Variants in APLNR observed in about 807,000 individuals in gnomAD.
APLNR encodes APJ (apelin) receptor.
In APLNR, 13 loss-of-function variants were observed where a neutral mutation model predicts 23.4. That is an observed-to-expected ratio of 0.56 (90% CI 0.36 to 0.88). The LOEUF is 0.88. APLNR is among the 40% of genes least tolerant of loss of function. The probability of loss-of-function intolerance (pLI) is 0.01; values close to 1 mark genes in which losing one functional copy is unlikely to be tolerated. For synonymous variants in APLNR, 234 were observed against 211.9 expected (o/e 1.10, Z -0.91); for missense variants, 480 against 517.1 (o/e 0.93, Z 0.70).
Position 57,236,893 on chromosome 11 carries a change from C to G in APLNR, c.112G>C (p.Val38Leu). The G allele has an allele frequency of 3.1e-6, 5 of 1,614,152 alleles. No individual in the cohort carries two copies. Among genetic ancestry groups the G allele is most frequent in the Non-Finnish European group, 3.4e-6 (4 of 1,180,022 alleles). Reference protein sequence around the residue: ...GALIPAIYMLVFLLGTTGNGL... With the variant: ...GALIPAIYMLLFLLGTTGNGL... ...TTGCCCGTGGTGCCCAGGAGGAAGA[C>G]CAACATGTAGATGGCAGGGATGAGG... is the stretch of plus-strand genomic sequence containing the variant. The change falls in exon 1 of 1, where the codon GTC becomes CTC. Residue 38 changes from valine (V) to leucine (L), a missense_variant. Physicochemically the swap from Val to Leu is conservative, Grantham distance 32. Coordinates refer to ENST00000606794, the MANE Select transcript of APLNR (RefSeq NM_005161.6).
Position 57,236,412 on chromosome 11 carries a change from TCCCAGG to T in APLNR, c.587_592del (p.Ala196_Trp197del), listed in dbSNP as rs1279046212. The T allele has an allele frequency of 4.3e-6, 7 of 1,614,140 alleles. No homozygotes were observed. The highest frequency in any genetic ancestry group is 5.9e-6 in the Non-Finnish European group (7 of 1,179,988). On this transcript the variant is annotated inframe_deletion, in exon 1 of 1. Coordinates refer to ENST00000606794, the MANE Select transcript of APLNR (RefSeq NM_005161.6). ...GGTGGACGAGACCCCAAGGCCCACC[TCCCAGG>T]CCCACTCTGAGCTCACAGTGGCCAC...
chr11:57,234,304 G>T lies in APLNR; in HGVS notation c.*1558C>A, dbSNP rs943216207. On this transcript the variant is annotated 3_prime_UTR_variant, in exon 1 of 1. Transcript: ENST00000606794. ...GGGCCACTGACCCTGGAACAAGAAA[G>T]GACGATGAGGGCAATGCTCATAAAT... 6.6e-6 allele frequency: 1 copy of T among 152,254 alleles called. No individual in the cohort carries two copies. Among genetic ancestry groups the T allele is most frequent in the South Asian group, 2.1e-4 (1 of 4,822 alleles). The allele number at this position is 152,254 out of a possible 1,614,324, so 9.4% of individuals were successfully genotyped here. A position where few individuals can be genotyped will look rare whatever the true frequency, so the allele number is the denominator to read the frequency against.
At position 57,236,522 on chromosome 11, in the gene APLNR, G is replaced by A. The variant is rs779310567; in HGVS notation, c.483C>T (p.Ala161=). The change falls in exon 1 of 1, where the codon GCC becomes GCT. Residue 161 remains alanine, a synonymous_variant. Transcript: ENST00000606794. ...AVLWVLAALL[A]MPVMVLRTTG... Reference sequence around the variant, plus strand: ...TGGTGCGTAACACCATGACAGGCATGGCCAGGAGGGCGGCCAGCACCCAAA... The same window carrying A: ...TGGTGCGTAACACCATGACAGGCATAGCCAGGAGGGCGGCCAGCACCCAAA... 3 of 1,614,206 alleles carry A rather than the reference G, an allele frequency of 1.9e-6. No homozygotes were observed. Among genetic ancestry groups the A allele is most frequent in the African/African-American group, 1.3e-5 (1 of 75,072 alleles).
At position 57,235,700 on chromosome 11, in the gene APLNR, TGAGA is replaced by T; in HGVS notation, c.*158_*161del. 1 of 846,566 alleles carries T rather than the reference TGAGA, an allele frequency of 1.2e-6. No individual in the cohort carries two copies. 52.4% of individuals were successfully genotyped at this position (846,566 alleles called of 1,614,324 possible). On this transcript the variant is annotated 3_prime_UTR_variant, in exon 1 of 1. Coordinates refer to ENST00000606794, the MANE Select transcript of APLNR (RefSeq NM_005161.6). ...CTCTTTCCCCTAAACCACAAACCTCTGAGAAAGAATAAAGCAGTAGAGGAGGACA... is the reference window on the plus strand; with the variant it reads ...CTCTTTCCCCTAAACCACAAACCTCTAAGAATAAAGCAGTAGAGGAGGACA...
Position 57,237,124 on chromosome 11 carries a change from A to G in APLNR, c.-120T>C. 9.3e-7 allele frequency: 1 copy of G among 1,076,992 alleles called. No homozygotes were observed. Among genetic ancestry groups the G allele is most frequent in the Non-Finnish European group, 1.3e-6 (1 of 754,554 alleles). The allele number at this position is 1,076,992 out of a possible 1,614,324, so 66.7% of individuals were successfully genotyped here. On this transcript the variant is annotated 5_prime_UTR_variant, in exon 1 of 1. Coordinates refer to ENST00000606794, the MANE Select transcript of APLNR (RefSeq NM_005161.6). ...GAGCCTCAGAGAGTAAGAAGGGCTG[A>G]AGATGCCCAGAGTCCTTCCCAGCAC...
chr11:57,235,987 C>G lies in APLNR; in HGVS notation c.1018G>C (p.Gly340Arg). The part of the protein sequence containing the change: ...RCAGTSHSSS[G>R]EKSASYSSGH... ...GAAGAGTAGCTGGCTGACTTCTCCC[C>G]ACTGCTGCTGTGGGAGGTGCCTGCG... is the stretch of plus-strand genomic sequence containing the variant. Residue 340 changes from glycine (G) to arginine (R), a missense_variant, in exon 1 of 1, where the codon GGG (glycine) becomes CGG (arginine). Transcript: ENST00000606794. 1 of 1,614,268 alleles carries G rather than the reference C, an allele frequency of 6.2e-7. No individual in the cohort carries two copies. Among genetic ancestry groups the G allele is most frequent in the Non-Finnish European group, 8.5e-7 (1 of 1,180,048 alleles).
In APLNR at chr11:57,235,827, G is replaced by A. The variant is rs1199921340; in HGVS notation, c.*35C>T. 2.6e-6 allele frequency: 4 copies of A among 1,561,376 alleles called. No individual in the cohort carries two copies. The highest frequency in any genetic ancestry group is 3.5e-6 in the Non-Finnish European group (4 of 1,155,432). ...GAAAGCAAGGGCAAAGGCCGGGGAG[G>A]GCCGAGGGCGCCAGGCTTCTCTCTG... is the stretch of plus-strand genomic sequence containing the variant. On this transcript the variant is annotated 3_prime_UTR_variant, in exon 1 of 1. Coordinates refer to ENST00000606794, the MANE Select transcript of APLNR (RefSeq NM_005161.6).
At position 57,235,625 on chromosome 11, in the gene APLNR, G is replaced by A. The variant is rs947501572; in HGVS notation, c.*237C>T. 3 of 475,432 alleles carry A rather than the reference G, an allele frequency of 6.3e-6. No homozygotes were observed. Among genetic ancestry groups the A allele is most frequent in the African/African-American group, 2.0e-5 (1 of 51,164 alleles). The allele number at this position is 475,432 out of a possible 1,614,324, so 29.5% of individuals were successfully genotyped here. ...ATTTCATACCAATGGAGAAACTGAGGCTGAGTGAGATTAAATGGCTTGTGC... is the reference window on the plus strand; with the variant it reads ...ATTTCATACCAATGGAGAAACTGAGACTGAGTGAGATTAAATGGCTTGTGC... On this transcript the variant is annotated 3_prime_UTR_variant, in exon 1 of 1. Coordinates refer to ENST00000606794, the MANE Select transcript of APLNR (RefSeq NM_005161.6).
chr11:57,236,657 G>A lies in APLNR; in HGVS notation c.348C>T (p.Ser116=), dbSNP rs150922621. The change falls in exon 1 of 1, where the codon AGC becomes AGT. Residue 116 remains serine (S), a synonymous_variant. Transcript: ENST00000606794. ...AGCTGAGGCCGGTGAGGCAGAAGAC[G>A]CTGGCGTACATGTTGACGAAGATGA... ...SYLIFVNMYA[S]VFCLTGLSFD... 2,623 of 1,608,292 alleles carry A rather than the reference G, an allele frequency of 1.6e-3. 6 individuals are homozygous for A. Among genetic ancestry groups the A allele is most frequent in the Non-Finnish European group, 1.3e-3 (1,521 of 1,178,922 alleles).
chr11:57,237,073 C>A lies in APLNR; in HGVS notation c.-69G>T. 6.8e-7 allele frequency: 1 copy of A among 1,470,372 alleles called. No homozygotes were observed. Among genetic ancestry groups the A allele is most frequent in the Non-Finnish European group, 9.1e-7 (1 of 1,094,536 alleles). 91.1% of individuals were successfully genotyped at this position (1,470,372 alleles called of 1,614,324 possible). A position where few individuals can be genotyped will look rare whatever the true frequency, so the allele number is the denominator to read the frequency against. On this transcript the variant is annotated 5_prime_UTR_variant, in exon 1 of 1. Transcript: ENST00000606794. The stretch of plus-strand genomic sequence containing the variant: ...CAGCTCCGTGGCTCTGTCACCCACT[C>A]TGCAAGCAGCCTGAATTTCTGGCTT...
Position 57,236,304 on chromosome 11 carries a change from T to A in APLNR, c.701A>T (p.Lys234Met). Residue 234 changes from lysine to methionine, a missense_variant, in exon 1 of 1, where the codon AAG becomes ATG. By Grantham distance (95) the Lys-to-Met change is moderately conservative. Coordinates refer to ENST00000606794, the MANE Select transcript of APLNR (RefSeq NM_005161.6). ...IAQTIAGHFR[K>M]ERIEGLRKRR... ...CTTCCGCAGGCCCTCGATGCGTTCC[T>A]TGCGGAAGTGGCCAGCGATGGTTTG... 6.2e-7 allele frequency: 1 copy of A among 1,614,184 alleles called. No homozygotes were observed. The highest frequency in any genetic ancestry group is 1.1e-5 in the South Asian group (1 of 91,084).
chr11:57,236,289 C>T lies in APLNR; in HGVS notation c.716G>A (p.Gly239Asp), dbSNP rs1446138644. Residue 239 changes from glycine to aspartate, a missense_variant, in exon 1 of 1, where the codon GGC (glycine) becomes GAC (aspartate). Gly to Asp is a moderately conservative substitution (Grantham distance 94, BLOSUM62 -1). Transcript: ENST00000606794. ...GAGCAGCCGGCGCCGCTTCCGCAGG[C>T]CCTCGATGCGTTCCTTGCGGAAGTG... ...AGHFRKERIE[G>D]LRKRRRLLSI... 2 of 1,614,058 alleles carry T rather than the reference C, an allele frequency of 1.2e-6. No individual in the cohort carries two copies. The highest frequency in any genetic ancestry group is 2.7e-5 in the African/African-American group (2 of 74,944).
Position 57,236,712 on chromosome 11 carries a change from C to G in APLNR, c.293G>C (p.Gly98Ala). 6.2e-7 allele frequency: 1 copy of G among 1,613,186 alleles called. No individual in the cohort carries two copies. Among genetic ancestry groups the G allele is most frequent in the Non-Finnish European group, 8.5e-7 (1 of 1,179,996 alleles). The change falls in exon 1 of 1, where the codon GGG (glycine) becomes GCG (alanine). Residue 98 changes from glycine to alanine, a missense_variant. Transcript: ENST00000606794. ...GCTGCTGAGCTTGCAGAAGAAGGTC[C>G]CAAAGGGCCAGTCATAGTCCCGGTA... Reference protein sequence around the residue: ...YTYRDYDWPFGTFFCKLSSYL... With the variant: ...YTYRDYDWPFATFFCKLSSYL...
Position 57,233,916 on chromosome 11 carries a change from C to T in APLNR, c.*1946G>A, listed in dbSNP as rs1422172600. On this transcript the variant is annotated 3_prime_UTR_variant, in exon 1 of 1. Transcript: ENST00000606794. ...TAGGCTGTGAGGAGCCCCTTCCCCT[C>T]TCCTCCTCCCTCTGCCCCCAGAGCT... The T allele has an allele frequency of 6.6e-6, 1 of 152,326 alleles. No homozygotes were observed. The highest frequency in any genetic ancestry group is 1.9e-4 in the East Asian group (1 of 5,198). 9.4% of individuals were successfully genotyped at this position (152,326 alleles called of 1,614,324 possible). A position where few individuals can be genotyped will look rare whatever the true frequency, so the allele number is the denominator to read the frequency against.
In APLNR at chr11:57,236,897, C is replaced by T. The variant is rs765076382; in HGVS notation, c.108G>A (p.Met36Ile). 23 of 1,614,182 alleles carry T rather than the reference C, an allele frequency of 1.4e-5. No individual in the cohort carries two copies. The highest frequency in any genetic ancestry group is 1.9e-5 in the Non-Finnish European group (23 of 1,180,042). Residue 36 changes from methionine to isoleucine, a missense_variant, in exon 1 of 1, where the codon ATG (methionine) becomes ATA (isoleucine). Coordinates refer to ENST00000606794, the MANE Select transcript of APLNR (RefSeq NM_005161.6). Reference sequence around the variant, plus strand: ...CCGTGGTGCCCAGGAGGAAGACCAACATGTAGATGGCAGGGATGAGGGCCC... The same window carrying T: ...CCGTGGTGCCCAGGAGGAAGACCAATATGTAGATGGCAGGGATGAGGGCCC... Reference protein sequence around the residue: ...SSGALIPAIYMLVFLLGTTGN... With the variant: ...SSGALIPAIYILVFLLGTTGN...
Position 57,237,096 on chromosome 11 carries a change from CT to C in APLNR, c.-93del. ...CTCTGCAAGCAGCCTGAATTTCTGG[CT>C]TGAGCCTCAGAGAGTAAGAAGGGCT... On this transcript the variant is annotated 5_prime_UTR_variant, in exon 1 of 1. Coordinates refer to ENST00000606794, the MANE Select transcript of APLNR (RefSeq NM_005161.6). 2 of 1,382,796 alleles carry C rather than the reference CT, an allele frequency of 1.4e-6. No homozygotes were observed. The highest frequency in any genetic ancestry group is 2.8e-5 in the South Asian group (2 of 70,258). 85.7% of individuals were successfully genotyped at this position (1,382,796 alleles called of 1,614,324 possible).
In APLNR at chr11:57,236,906, G is replaced by C. The variant is rs1397363296; in HGVS notation, c.99C>G (p.Ala33=). The C allele has an allele frequency of 6.2e-7, 1 of 1,614,142 alleles. No homozygotes were observed. Among genetic ancestry groups the C allele is most frequent in the East Asian group, 2.2e-5 (1 of 44,878 alleles). ...DWKSSGALIP[A]IYMLVFLLGT... is the part of the protein sequence containing the mutation. ...CCAGGAGGAAGACCAACATGTAGAT[G>C]GCAGGGATGAGGGCCCCCGAGGATT... The change falls in exon 1 of 1, where the codon GCC becomes GCG. Residue 33 remains alanine, a synonymous_variant. Coordinates refer to ENST00000606794, the MANE Select transcript of APLNR (RefSeq NM_005161.6).
Position 57,236,932 on chromosome 11 carries a change from T to C in APLNR, c.73A>G (p.Lys25Glu). Residue 25 changes from lysine to glutamate, a missense_variant, in exon 1 of 1, where the codon AAA becomes GAA. Coordinates refer to ENST00000606794, the MANE Select transcript of APLNR (RefSeq NM_005161.6). ...NQSECEYTDW[K>E]SSGALIPAIY... ...GCAGGGATGAGGGCCCCCGAGGATT[T>C]CCAGTCTGTGTACTCACACTCAGAC... 6.2e-7 allele frequency: 1 copy of C among 1,613,808 alleles called. No homozygotes were observed. Among genetic ancestry groups the C allele is most frequent in the Non-Finnish European group, 8.5e-7 (1 of 1,179,930 alleles).
Position 57,237,128 on chromosome 11 carries a change from T to C in APLNR, c.-124A>G, listed in dbSNP as rs1855028666. Reference sequence around the variant, plus strand: ...CTCAGAGAGTAAGAAGGGCTGAAGATGCCCAGAGTCCTTCCCAGCACTCAG... The same window carrying C: ...CTCAGAGAGTAAGAAGGGCTGAAGACGCCCAGAGTCCTTCCCAGCACTCAG... On this transcript the variant is annotated 5_prime_UTR_variant, in exon 1 of 1. Transcript: ENST00000606794. 1.1e-5 allele frequency: 11 copies of C among 1,024,112 alleles called. No individual in the cohort carries two copies. Among genetic ancestry groups the C allele is most frequent in the South Asian group, 1.7e-5 (1 of 59,160 alleles). 63.4% of individuals were successfully genotyped at this position (1,024,112 alleles called of 1,614,324 possible). A position where few individuals can be genotyped will look rare whatever the true frequency, so the allele number is the denominator to read the frequency against.
Sources: allele counts gnomAD v4.1 joint callset, GRCh38; gene constraint gnomAD v4.1.1; transcripts MANE v1.5; gene names NCBI Gene and HGNC (gene_info 2026-07-23, HGNC 2026-07-21).